ADGRG2: variants seen among roughly 807,000 people sequenced by gnomAD.
ADGRG2 encodes adhesion G protein-coupled receptor G2.
A neutral mutation model predicts 74.1 loss-of-function variants in ADGRG2; 26 were observed. That is an observed-to-expected ratio of 0.35 (90% CI 0.26 to 0.49). The LOEUF (loss-of-function observed/expected upper bound fraction) is 0.49. Among genes scored for constraint, ADGRG2 ranks in the 20% least tolerant of loss-of-function variants. The pLI, the probability that ADGRG2 is intolerant of heterozygous loss-of-function variation, is 0.99. For missense variants in ADGRG2, 619 were observed against 763.1 expected, an observed-to-expected ratio of 0.81 and a Z score of 2.22; for synonymous variants, 296 against 295.2, an observed-to-expected ratio of 1.00 and a Z score of -0.03.
In ADGRG2 at chrX:19,005,992, G is replaced by A. The variant is rs199827272; in HGVS notation, c.1839+10C>T. 5 of 1,123,058 alleles carry A rather than the reference G, an allele frequency of 4.5e-6. No individual in the cohort carries two copies. In the African/African-American group the frequency reaches 9.0e-5, roughly 20 times the overall value. The allele number at this position is 1,123,058 out of a possible 1,213,427, so 92.6% of individuals were successfully genotyped here. On this transcript the variant is annotated intron_variant, in intron 22 of 28. Transcript: ENST00000379869. ...TCAGAATTTAAGGCCACGTGGCACA[G>A]GCATATTACCAGCAGAACGCCGAAG...
In ADGRG2 at chrX:19,037,490, T is replaced by A; in HGVS notation, c.203A>T (p.Glu68Val). 8.5e-7 allele frequency: 1 copy of A among 1,180,402 alleles called. No homozygotes were observed. The highest frequency in any genetic ancestry group is 3.0e-5 in the East Asian group (1 of 33,640). ...ACCATTGAGGCTTGTTGTTTCAACCTCTTTTTGTCCCGAGGAGAAAAACAA... is the reference window on the plus strand; with the variant it reads ...ACCATTGAGGCTTGTTGTTTCAACCACTTTTTGTCCCGAGGAGAAAAACAA... The part of the protein sequence containing the change: ...SFAPSSNGTP[E>V]VETTSLNDVT... Residue 68 changes from glutamate to valine, a missense_variant and splice_region_variant, in exon 6 of 29, where the codon GAG (glutamate) becomes GTG (valine). By Grantham distance (121) the Glu-to-Val change is moderately radical. Transcript: ENST00000379869.
Position 19,013,989 on chromosome X carries a change from G to A in ADGRG2, c.796C>T (p.Arg266Trp), listed in dbSNP as rs61742971. The change falls in exon 16 of 29, where the codon CGG becomes TGG. Residue 266 changes from arginine to tryptophan, a missense_variant. This residue lies in a region of ADGRG2 where 292 missense variants were observed against 318.0 expected (regional missense o/e 0.92). Coordinates refer to ENST00000379869, the MANE Select transcript of ADGRG2 (RefSeq NM_001079858.3). ...GGGACCTGGGAAAGCACAGTGGCCC[G>A]AGGCACCACTGGGATGGATTGGCTG... ...SSSQSIPVVPRATVLSQVPKA... is the reference protein window; with the variant it reads ...SSSQSIPVVPWATVLSQVPKA... 7.4e-3 allele frequency: 8,932 copies of A among 1,206,165 alleles called. 416 individuals are homozygous for A. In the African/African-American group the frequency reaches 0.13, roughly 18 times the overall value.
At chrX:19,115,141 A>C (rs2062487992) in intron 1 of ADGRG2, among the ~76,000 whole-genome samples, 1 of 111,673 alleles carries the variant, frequency 9.0e-6, no homozygotes, top group African/African-American at 3.3e-5. Context: ...AACCTAAAGA[A>C]ATTTCCACAC....
chrX:18,990,111 C>T lies in ADGRG2; in HGVS notation c.*753G>A, dbSNP rs2059898805. The T allele has an allele frequency of 1.8e-5, 2 of 112,695 alleles. No homozygotes were observed. The highest frequency in any genetic ancestry group is 3.8e-5 in the Non-Finnish European group (2 of 53,311). 9.3% of individuals were successfully genotyped at this position (112,695 alleles called of 1,213,427 possible). A position where few individuals can be genotyped will look rare whatever the true frequency, so the allele number is the denominator to read the frequency against. ...GGTGAGTGGGGCTAAAATATGGTCT[C>T]TCCACTCTGTTTGTCAAACCATGAG... On this transcript the variant is annotated 3_prime_UTR_variant, in exon 29 of 29. Coordinates refer to ENST00000379869, the MANE Select transcript of ADGRG2 (RefSeq NM_001079858.3).
At chrX:19,044,589 G>A (rs1442108528) in intron 3 of ADGRG2, among the ~76,000 whole-genome samples, 2 of 111,412 alleles carry the variant, frequency 1.8e-5, no homozygotes, top group Non-Finnish European at 3.8e-5. Flanking sequence ...GCAAGGAACC[G>A]CCCTTCAAGA....
chrX:19,081,019 C>A (rs1328443886), intron 2 of ADGRG2, among the ~76,000 whole-genome samples: 2 of 110,821 alleles, frequency 1.8e-5, no homozygotes, highest in Non-Finnish European at 3.8e-5. Context: ...CCACAAAAAA[C>A]AAGGCAGATA....
rs141894904 is a variant in ADGRG2, at chrX:19,076,940, C to A, written c.-2+5762G>T. On this transcript the variant is annotated intron_variant, in intron 2 of 28. Coordinates refer to ENST00000379869, the MANE Select transcript of ADGRG2 (RefSeq NM_001079858.3). ...CAAAATGAAATTCAAAAATTAAAGT[C>A]TTTCAAGGTCCTTGGATTATACTAG... 4.3e-3 allele frequency among the ~76,000 whole-genome samples: 479 copies of A among 111,441 alleles called. 2 individuals are homozygous for A. The highest frequency in any genetic ancestry group is 0.015 in the African/African-American group (453 of 30,687).
At chrX:19,019,233 C>T (rs1016527977) in intron 15 of ADGRG2, among the ~76,000 whole-genome samples, 1 of 111,969 alleles carries the variant, frequency 8.9e-6, no homozygotes, top group Non-Finnish European at 1.9e-5. Flanking sequence ...TACAAAACAG[C>T]CCCCAAATAT....
intron 8 of ADGRG2, 144 bp from the exon 9 acceptor site, chrX:19,031,181 C>T (rs945967103): frequency 6.3e-6 from 3 of 475,039 alleles, no homozygotes; most frequent in Non-Finnish European, 7.3e-6. Context: ...ATGAATTCCA[C>T]AAAGACTAAA....
At chrX:19,032,635 A>G (rs2060849893) in intron 8 of ADGRG2, 2 of 111,806 alleles carry the variant, frequency 1.8e-5, no homozygotes, top group South Asian at 7.5e-4. Context: ...TCCTTAAATC[A>G]TGAGTGAGAA....
chrX:19,063,710 T>G (rs1441209970), intron 3 of ADGRG2, among the ~76,000 whole-genome samples: 2 of 111,599 alleles, frequency 1.8e-5, no homozygotes, highest in Non-Finnish European at 3.8e-5. Context: ...AAGCCCGTAA[T>G]GAGTGTGACA....
At chrX:19,110,984 A>C (rs1269587791) in intron 1 of ADGRG2, among the ~76,000 whole-genome samples, 1 of 111,775 alleles carries the variant, frequency 8.9e-6, no homozygotes, top group Non-Finnish European at 1.9e-5. Context: ...CATCCAAGAA[A>C]GAGACGGAGA....
intron 3 of ADGRG2, among the ~76,000 whole-genome samples, chrX:19,044,100 A>G (rs1416451789): frequency 1.8e-5 from 2 of 111,987 alleles, no homozygotes. Flanking sequence ...ATTAAAATCA[A>G]TGCTGATGAT....
At chrX:19,087,672 C>G (rs1356877003) in intron 1 of ADGRG2, among the ~76,000 whole-genome samples, 1 of 111,969 alleles carries the variant, frequency 8.9e-6, no homozygotes, top group Non-Finnish European at 1.9e-5. Context: ...TGTAAAACAT[C>G]TCAAAAGATG....
intron 24 of ADGRG2, 22 bp downstream of exon 24, chrX:19,002,824 A>G: frequency 1.7e-6 from 2 of 1,193,814 alleles, no homozygotes; most frequent in Middle Eastern, 2.3e-4. Context: ...TCCAGGCAAC[A>G]TGCAGGCAAG....
At chrX:19,121,595 G>T (rs1363205772) in intron 1 of ADGRG2, among the ~76,000 whole-genome samples, 1 of 111,095 alleles carries the variant, frequency 9.0e-6, no homozygotes, top group Non-Finnish European at 1.9e-5. Flanking sequence ...GCCGGATAAA[G>T]TGTGGTCCAT....
chrX:19,015,796 C>T (rs2146601475), intron 15 of ADGRG2, among the ~76,000 whole-genome samples: 1 of 112,456 alleles, frequency 8.9e-6, no homozygotes, highest in South Asian at 3.7e-4. Context: ...ATTTACCCAA[C>T]ATCTCTCAGG....
At chrX:19,076,358 G>A (rs1277065640) in intron 2 of ADGRG2, among the ~76,000 whole-genome samples, 1 of 111,771 alleles carries the variant, frequency 8.9e-6, no homozygotes, top group Non-Finnish European at 1.9e-5. Flanking sequence ...TTGGAGAAGG[G>A]TGGAGCTAGA....
chrX:19,115,040 CATT>C (rs1379335461), intron 1 of ADGRG2, among the ~76,000 whole-genome samples: 5 of 111,714 alleles, frequency 4.5e-5, no homozygotes, highest in Non-Finnish European at 9.4e-5. Flanking sequence ...TATTAGCTAT[CATT>C]ATTATTACGA....
Sources: gnomAD v4.1 joint callset for allele counts (sites outside exome capture counted in the v4.1 genomes callset) on GRCh38, gnomAD v4.1.1 for gene constraint, gnomAD v4.1.1 regional missense constraint, MANE v1.5 for transcripts, NCBI Gene and HGNC (gene_info 2026-07-23, HGNC 2026-07-21) for gene names.